The following NXPH1 variants were observed in gnomAD, a reference collection of about 807,000 sequenced individuals.
The protein encoded by NXPH1 is neurexophilin 1, also known as neurexophilin-1.
NXPH1 carries 5 observed loss-of-function variants against 23.7 expected under a neutral mutation model. The ratio of observed to expected loss-of-function variants is 0.21; its 90% confidence interval spans 0.11 to 0.44. The LOEUF is 0.44. Ranked by LOEUF, NXPH1 falls within the 20% of genes least tolerant of loss-of-function variation. The pLI, the probability that NXPH1 is intolerant of heterozygous loss-of-function variation, is 0.99. For missense variants in NXPH1, 324 were observed against 321.6 expected (o/e 1.01, Z -0.06); for synonymous variants, 144 against 122.2 (o/e 1.18, Z -1.18).
chr7:8,712,365 C>T (rs1194919696), intron 2 of NXPH1, among the ~76,000 whole-genome samples: 1 of 152,184 alleles, frequency 6.6e-6, no homozygotes, highest in African/African-American at 2.4e-5. Flanking sequence ...CCTGATCTCA[C>T]CAGATTTCAT....
intron 2 of NXPH1, among the ~76,000 whole-genome samples, chr7:8,685,497 C>G (rs1821133303): frequency 6.6e-6 from 1 of 151,430 alleles, no homozygotes; most frequent in South Asian, 2.1e-4. Context: ...TTTTCTTTAT[C>G]CATTAATCTG....
intron 2 of NXPH1, among the ~76,000 whole-genome samples, chr7:8,549,120 C>T (rs559529896): frequency 1.3e-4 from 19 of 151,612 alleles, no homozygotes; most frequent in South Asian, 4.2e-4. Context: ...TCTTTCTCTT[C>T]GGAAACAAGT....
At chr7:8,574,162 C>T (rs1449966907) in intron 2 of NXPH1, among the ~76,000 whole-genome samples, 2 of 152,096 alleles carry the variant, frequency 1.3e-5, no homozygotes, top group African/African-American at 4.8e-5. Context: ...ACGGTTTGCA[C>T]CTTTTCCCTA....
intron 2 of NXPH1, among the ~76,000 whole-genome samples, chr7:8,598,296 C>G (rs10265408): frequency 0.38 from 57,542 of 151,972 alleles, 12,108 homozygotes; most frequent in African/African-American, 0.57. Flanking sequence ...AGTAGGCCTG[C>G]ATGGCTCTCC....
At position 8,752,078 on chromosome 7, in the gene NXPH1, G is replaced by C; in HGVS notation, c.*309G>C. The C allele has an allele frequency of 3.8e-6, 1 of 261,370 alleles. No homozygotes were observed. The highest frequency in any genetic ancestry group is 4.8e-5 in the Admixed American group (1 of 20,988). 16.2% of individuals were successfully genotyped at this position (261,370 alleles called of 1,614,324 possible). On this transcript the variant is annotated 3_prime_UTR_variant, in exon 3 of 3. Transcript: ENST00000405863. ...TTGCGTCTATCATGATTCCTGTTGA[G>C]AGGGCTTTCATTGTCTGACTCATAA... is the stretch of plus-strand genomic sequence containing the variant.
rs17148964 is a variant in NXPH1, at chr7:8,454,270, G to T, written c.54+18503G>T. Among the ~76,000 whole-genome samples, 169 of 152,220 alleles carry T rather than the reference G, an allele frequency of 1.1e-3. 1 individual carries two copies. Among genetic ancestry groups the T allele is most frequent in the African/African-American group, 3.9e-3 (161 of 41,552 alleles). ...AAAGGAATTTGTCGAATGGAATTTT[G>T]TAAGAGAAAGTTAGTGGACTGCCTT... On this transcript the variant is annotated intron_variant, in intron 2 of 2. Coordinates refer to ENST00000405863, the MANE Select transcript of NXPH1 (RefSeq NM_152745.3).
intron 2 of NXPH1, among the ~76,000 whole-genome samples, chr7:8,655,481 C>T (rs965276064): frequency 3.3e-5 from 4 of 122,440 alleles, no homozygotes; most frequent in African/African-American, 5.8e-5. Flanking sequence ...CACACACACA[C>T]ATCAGATATG....
chr7:8,475,797 TATTG>T (rs1404966398), intron 2 of NXPH1, among the ~76,000 whole-genome samples: 2 of 152,206 alleles, frequency 1.3e-5, no homozygotes, highest in African/African-American at 4.8e-5. Context: ...CATATATAAT[TATTG>T]ATTAGGAACA....
chr7:8,574,824 G>A (rs1818721792), intron 2 of NXPH1, among the ~76,000 whole-genome samples: 1 of 152,106 alleles, frequency 6.6e-6, no homozygotes, highest in South Asian at 2.1e-4. Flanking sequence ...GCATGGCTGT[G>A]CATCAAGTGT....
intron 2 of NXPH1, among the ~76,000 whole-genome samples, chr7:8,704,422 T>C (rs1779672657): frequency 6.6e-6 from 1 of 152,070 alleles, no homozygotes; most frequent in African/African-American, 2.4e-5. Context: ...CCAAAGGACA[T>C]TCTTTTAACT....
chr7:8,748,488 A>C (rs895733234), intron 2 of NXPH1, among the ~76,000 whole-genome samples: 1 of 152,186 alleles, frequency 6.6e-6, no homozygotes, highest in African/African-American at 2.4e-5. Flanking sequence ...GACACTTTAA[A>C]AGGACTGACT....
chr7:8,512,876 C>T (rs1356756477), intron 2 of NXPH1, among the ~76,000 whole-genome samples: 2 of 152,090 alleles, frequency 1.3e-5, no homozygotes, highest in African/African-American at 4.8e-5. Flanking sequence ...AGAATTCTAA[C>T]TACATTCTTA....
intron 2 of NXPH1, among the ~76,000 whole-genome samples, chr7:8,547,646 C>G (rs1012568332): frequency 6.6e-6 from 1 of 151,342 alleles, no homozygotes; most frequent in African/African-American, 2.4e-5. Context: ...CCTTTTCCCC[C>G]TGCCCCACTC....
In NXPH1 at chr7:8,435,378, A is replaced by G. The variant is rs377575912; in HGVS notation, c.-110-226A>G. ...CTCGCACCCGAGGAGCGCAGGGGGC[A>G]AGGAGCCCCTCACCCTCCCTCTCGT... On this transcript the variant is annotated intron_variant, in intron 1 of 2. Transcript: ENST00000405863. The surrounding 1 kb of genome is among the most constrained non-coding windows in gnomAD (Gnocchi z 5.9). 1 of 415,150 alleles carries G rather than the reference A, an allele frequency of 2.4e-6. No homozygotes were observed. Among genetic ancestry groups the G allele is most frequent in the Non-Finnish European group, 4.4e-6 (1 of 226,794 alleles). 25.7% of individuals were successfully genotyped at this position (415,150 alleles called of 1,614,324 possible).
intron 2 of NXPH1, among the ~76,000 whole-genome samples, chr7:8,505,766 C>T (rs959038380): frequency 6.6e-6 from 1 of 152,084 alleles, no homozygotes; most frequent in Non-Finnish European, 1.5e-5. Flanking sequence ...ACATGATGTT[C>T]TGTTCTCAAT....
At chr7:8,585,592 A>G (rs1157807799) in intron 2 of NXPH1, among the ~76,000 whole-genome samples, 2 of 152,202 alleles carry the variant, frequency 1.3e-5, no homozygotes, top group African/African-American at 4.8e-5. Flanking sequence ...TAAGAGTCTT[A>G]AATATGTTTT....
intron 2 of NXPH1, among the ~76,000 whole-genome samples, chr7:8,650,035 G>GTCTT (rs57140331): frequency 0.7 from 106,718 of 151,702 alleles, 38,328 homozygotes; most frequent in East Asian, 1. Flanking sequence ...TTGGAGGTCT[G>GTCTT]TATCACTCAA....
At chr7:8,692,346 G>T (rs1583232804) in intron 2 of NXPH1, among the ~76,000 whole-genome samples, 1 of 152,168 alleles carries the variant, frequency 6.6e-6, no homozygotes, top group Admixed American at 6.5e-5. Context: ...TGCACCACCA[G>T]TGATAGATAG....
Position 8,673,900 on chromosome 7 carries a change from CTGTT to C in NXPH1, c.55-77105_55-77102del, listed in dbSNP as rs374548866. 5.7e-3 allele frequency among the ~76,000 whole-genome samples: 865 copies of C among 151,836 alleles called. 8 individuals carry two copies. Among genetic ancestry groups the C allele is most frequent in the African/African-American group, 0.02 (826 of 41,426 alleles). On this transcript the variant is annotated intron_variant, in intron 2 of 2. Coordinates refer to ENST00000405863, the MANE Select transcript of NXPH1 (RefSeq NM_152745.3). ...TATCTTCACAGACTAGAAGAAAACA[CTGTT>C]TGAGCCTAAAACAAGGGGATCAATA...
Sources: gnomAD v4.1 joint callset for allele counts (sites outside exome capture counted in the v4.1 genomes callset) on GRCh38, gnomAD v4.1.1 for gene constraint, Gnocchi (gnomAD v3.1) non-coding constraint, MANE v1.5 for transcripts, NCBI Gene and HGNC (gene_info 2026-07-23, HGNC 2026-07-21) for gene names.